GRIA1: variants seen among roughly 807,000 people sequenced by gnomAD.
GRIA1 encodes the protein glutamate ionotropic receptor AMPA type subunit 1.
In GRIA1, 31 loss-of-function variants were observed where a neutral mutation model predicts 99.2. The observed-to-expected ratio is 0.31, with a 90% CI of 0.23 to 0.42. The LOEUF is 0.42. Among genes scored for constraint, GRIA1 ranks in the 10% least tolerant of loss-of-function variants. The pLI is 1.00. For missense variants in GRIA1, 782 were observed against 1,157.5 expected (o/e 0.68, Z 4.71); for synonymous variants, 438 against 432.4 (o/e 1.01, Z -0.16).
rs1327193688 is a variant in GRIA1, at chr5:153,725,782, A to T, written c.1823+19715A>T. ...ATGAAGAGACTTAGACTCCCACACA[A>T]TAATAATGGGAGACTTTAACACCCC... On this transcript the variant is annotated intron_variant, in intron 11 of 15. Transcript: ENST00000285900. Among the ~76,000 whole-genome samples the T allele has an allele frequency of 3.8e-5, 5 of 130,100 alleles. 1 individual carries two copies. Among genetic ancestry groups the T allele is most frequent in the African/African-American group, 1.5e-4 (5 of 33,418 alleles). The allele number at this position is 130,100 out of a possible 152,430, so 85.4% of individuals were successfully genotyped here.
intron 2 of GRIA1, among the ~76,000 whole-genome samples, chr5:153,635,173 G>A (rs1303200643): frequency 6.6e-6 from 1 of 152,160 alleles, no homozygotes; most frequent in Non-Finnish European, 1.5e-5. Context: ...GAAAAGAATG[G>A]CAAATAAGAA....
intron 5 of GRIA1, among the ~76,000 whole-genome samples, chr5:153,661,339 C>G (rs1287996554): frequency 6.6e-6 from 1 of 152,108 alleles, no homozygotes. Flanking sequence ...GTCAATTTAT[C>G]TACCTTTTCT....
chr5:153,638,161 T>G (rs1283833344), intron 2 of GRIA1, among the ~76,000 whole-genome samples: 1 of 152,196 alleles, frequency 6.6e-6, no homozygotes, highest in Non-Finnish European at 1.5e-5. Flanking sequence ...TGTGTAGTCA[T>G]TATGGGAACC....
At chr5:153,496,996 T>A (rs1754501193) in intron 2 of GRIA1, among the ~76,000 whole-genome samples, 1 of 152,148 alleles carries the variant, frequency 6.6e-6, no homozygotes, top group Non-Finnish European at 1.5e-5. Flanking sequence ...TAATGGGACC[T>A]GTTCATGCTA....
intron 2 of GRIA1, among the ~76,000 whole-genome samples, chr5:153,569,851 C>T (rs562308305): frequency 6.6e-6 from 1 of 152,274 alleles, no homozygotes; most frequent in South Asian, 2.1e-4. Flanking sequence ...TGCCATCATT[C>T]TCATTTTACA....
intron 5 of GRIA1, 125 bp from the exon 6 acceptor site, chr5:153,674,371 CCTAA>C (rs1554112105): frequency 4.1e-6 from 4 of 970,440 alleles, no homozygotes; most frequent in East Asian, 2.4e-5. Flanking sequence ...GGAAAGGAGG[CCTAA>C]CTGTCTCTCC....
At chr5:153,784,831 T>C (rs541697272) in intron 13 of GRIA1, among the ~76,000 whole-genome samples, 1 of 152,258 alleles carries the variant, frequency 6.6e-6, no homozygotes, top group East Asian at 1.9e-4. Flanking sequence ...TTTGAGACCA[T>C]TGTCCAAAGG....
At chr5:153,608,211 A>C (rs1213666873) in intron 2 of GRIA1, among the ~76,000 whole-genome samples, 1 of 152,112 alleles carries the variant, frequency 6.6e-6, no homozygotes, top group Non-Finnish European at 1.5e-5. Flanking sequence ...GCAATTTTGC[A>C]ATATTCTGGT....
rs139155994 is a variant in GRIA1, at chr5:153,761,020, A to C, written c.1824-3414A>C. Among the ~76,000 whole-genome samples the C allele has an allele frequency of 3.8e-3, 585 of 152,266 alleles. 8 individuals are homozygous for C. The highest frequency in any genetic ancestry group is 0.013 in the African/African-American group (551 of 41,560). ...TCCCTATCTCTCACTAGGTACCAAA[A>C]TCACCTCAAAATGGATGAAAGACAC... On this transcript the variant is annotated intron_variant, in intron 11 of 15. Coordinates refer to ENST00000285900, the MANE Select transcript of GRIA1 (RefSeq NM_000827.4).
At chr5:153,506,280 T>C (rs1338528101) in intron 2 of GRIA1, among the ~76,000 whole-genome samples, 2 of 150,620 alleles carry the variant, frequency 1.3e-5, no homozygotes, top group Non-Finnish European at 3.0e-5. Context: ...GGCTCCAGAA[T>C]ACTCAAGAGT....
intron 11 of GRIA1, among the ~76,000 whole-genome samples, chr5:153,729,290 C>T (rs868153514): frequency 6.6e-5 from 10 of 151,766 alleles, no homozygotes; most frequent in African/African-American, 1.2e-4. Context: ...TGCTAAATGA[C>T]GAGTTAATGG....
At chr5:153,676,220 T>C (rs1025995631) in intron 6 of GRIA1, among the ~76,000 whole-genome samples, 2 of 152,216 alleles carry the variant, frequency 1.3e-5, no homozygotes, top group Admixed American at 6.5e-5. Flanking sequence ...AAAATACCCA[T>C]TCATTCGTTC....
chr5:153,714,237 G>C (rs1355743237), intron 11 of GRIA1, among the ~76,000 whole-genome samples: 1 of 152,146 alleles, frequency 6.6e-6, no homozygotes, highest in Admixed American at 6.5e-5. Context: ...AGCATGCCTA[G>C]ATTCAGCTTG....
chr5:153,490,535 T>C (rs1439278006), upstream of GRIA1: 3 of 358,690 alleles, frequency 8.4e-6, no homozygotes, highest in East Asian at 2.0e-4. Context: ...TAGAGCTTGC[T>C]GCCTGTGTGA....
intron 2 of GRIA1, among the ~76,000 whole-genome samples, chr5:153,625,469 A>G (rs1270220496): frequency 6.6e-6 from 1 of 152,200 alleles, no homozygotes; most frequent in Non-Finnish European, 1.5e-5. Context: ...CCTCTTTGTC[A>G]TCAAGCACCA....
At chr5:153,557,940 C>T (rs771927023) in intron 2 of GRIA1, 3 of 152,146 alleles carry the variant, frequency 2.0e-5, no homozygotes, top group Admixed American at 6.6e-5. Flanking sequence ...AGAAAGAGTG[C>T]ACTGTAAAAT....
intron 2 of GRIA1, among the ~76,000 whole-genome samples, chr5:153,636,951 C>A (rs906604441): frequency 6.6e-6 from 1 of 152,278 alleles, no homozygotes; most frequent in Non-Finnish European, 1.5e-5. Flanking sequence ...TTATTTATAT[C>A]CCAGCTCTGC....
intron 2 of GRIA1, chr5:153,574,378 G>A (rs1581251605): frequency 6.6e-6 from 1 of 152,010 alleles, no homozygotes; most frequent in East Asian, 1.9e-4. Context: ...GAATTAGAGT[G>A]CCTGGAGATA....
Position 153,490,745 on chromosome 5 carries a change from C to T in GRIA1, c.-144C>T, listed in dbSNP as rs1753835738. 4 of 734,534 alleles carry T rather than the reference C, an allele frequency of 5.4e-6. No homozygotes were observed. The highest frequency in any genetic ancestry group is 2.5e-5 in the East Asian group (1 of 40,568). The allele number at this position is 734,534 out of a possible 1,614,324, so 45.5% of individuals were successfully genotyped here. On this transcript the variant is annotated 5_prime_UTR_variant, in exon 1 of 16. In the 5' UTR this introduces an upstream ATG that the reference lacks. Transcript: ENST00000285900. ...TTCCAAGGGAAACAGACAAACCTCACGAAAGGAAGGAAGCAAGCAAGCAAG... is the reference window on the plus strand; with the variant it reads ...TTCCAAGGGAAACAGACAAACCTCATGAAAGGAAGGAAGCAAGCAAGCAAG...
Sources: allele counts gnomAD v4.1 joint callset (sites outside exome capture counted in the v4.1 genomes callset), GRCh38; gene constraint gnomAD v4.1.1; transcripts MANE v1.5; gene names NCBI Gene and HGNC (gene_info 2026-07-23, HGNC 2026-07-21).